Variants in CAMK4 observed in about 807,000 individuals in gnomAD.
CAMK4 encodes calcium/calmodulin dependent protein kinase IV, also known as calcium/calmodulin-dependent protein kinase type IV.
CAMK4 carries 22 observed loss-of-function variants against 44.9 expected under a neutral mutation model. The ratio of observed to expected loss-of-function variants is 0.49; its 90% CI spans 0.35 to 0.70. The LOEUF is 0.70. CAMK4 is among the 30% of genes least tolerant of loss of function. CAMK4 has a pLI of 0.01. For synonymous variants in CAMK4, 218 were observed against 215.4 expected (o/e 1.01, Z -0.11); for missense variants, 498 against 586.8 (o/e 0.85, Z 1.56).
intron 5 of CAMK4, among the ~76,000 whole-genome samples, chr5:111,441,155 A>T (rs1189291928): frequency 6.6e-6 from 1 of 152,214 alleles, no homozygotes; most frequent in South Asian, 2.1e-4. Flanking sequence ...ATGCAAAAAA[A>T]ATCTCAATAT....
intron 1 of CAMK4, among the ~76,000 whole-genome samples, chr5:111,281,516 T>C (rs1000232728): frequency 2.6e-5 from 4 of 152,092 alleles, no homozygotes; most frequent in Non-Finnish European, 5.9e-5. Flanking sequence ...TTCCTCTCTC[T>C]CTAGAAGGAA....
At chr5:111,425,487 C>G (rs1276176265) in intron 5 of CAMK4, among the ~76,000 whole-genome samples, 1 of 152,178 alleles carries the variant, frequency 6.6e-6, no homozygotes, top group African/African-American at 2.4e-5. Context: ...TAGAACAGAT[C>G]CTTTTTCCTT....
chr5:111,443,885 A>G (rs1208255867), intron 5 of CAMK4, among the ~76,000 whole-genome samples: 1 of 152,196 alleles, frequency 6.6e-6, no homozygotes, highest in Non-Finnish European at 1.5e-5. Context: ...TTCCAAAGGT[A>G]CTATATGAGA....
intron 1 of CAMK4, among the ~76,000 whole-genome samples, chr5:111,333,498 C>G (rs1489886531): frequency 6.6e-6 from 1 of 151,654 alleles, no homozygotes; most frequent in African/African-American, 2.4e-5. Context: ...AGAACCAATA[C>G]TCAAGCTATC....
intron 5 of CAMK4, among the ~76,000 whole-genome samples, chr5:111,428,730 A>C (rs1366827896): frequency 6.6e-6 from 1 of 152,206 alleles, no homozygotes; most frequent in Non-Finnish European, 1.5e-5. Flanking sequence ...TATGGGATCT[A>C]GAAAATAGTC....
At chr5:111,356,997 G>A (rs1025737621) in intron 2 of CAMK4, among the ~76,000 whole-genome samples, 1 of 152,012 alleles carries the variant, frequency 6.6e-6, no homozygotes, top group African/African-American at 2.4e-5. Flanking sequence ...GCACCAACAG[G>A]CCTGAGTGCT....
intron 1 of CAMK4, among the ~76,000 whole-genome samples, chr5:111,286,217 T>TAAG (rs1208929304): frequency 1.3e-5 from 2 of 152,204 alleles, no homozygotes; most frequent in Non-Finnish European, 2.9e-5. Context: ...TTCACCATCA[T>TAAG]AATCACCCTT....
chr5:111,397,813 A>G (rs908430596), intron 5 of CAMK4, among the ~76,000 whole-genome samples: 3 of 151,994 alleles, frequency 2.0e-5, no homozygotes, highest in Non-Finnish European at 4.4e-5. Context: ...CTGATATCAC[A>G]TGTGACAGTG....
chr5:111,458,745 G>A lies in CAMK4; in HGVS notation c.625+9542G>A, dbSNP rs75885818. ...ATAAGCAAAAATTTGAGAGAGGAGA[G>A]AGCAAACCACATACATACCTAGTGA... is the stretch of plus-strand genomic sequence containing the variant. On this transcript the variant is annotated intron_variant, in intron 7 of 10. Transcript: ENST00000282356. Among the ~76,000 whole-genome samples the A allele has an allele frequency of 9.6e-4, 146 of 152,282 alleles. 3 individuals are homozygous for A. The East Asian group carries it at 0.026, about 27-fold the overall frequency.
chr5:111,237,988 G>A (rs1055715555), intron 1 of CAMK4, among the ~76,000 whole-genome samples: 17 of 152,200 alleles, frequency 1.1e-4, no homozygotes, highest in African/African-American at 3.6e-4. Context: ...CACTGTCAAA[G>A]TAATTATTCT....
intron 9 of CAMK4, among the ~76,000 whole-genome samples, chr5:111,480,488 G>T (rs908337574): frequency 6.6e-6 from 1 of 151,990 alleles, no homozygotes; most frequent in Non-Finnish European, 1.5e-5. Context: ...TTAAGCTCTG[G>T]GGCAGGACAA....
chr5:111,405,097 A>G (rs12234006), intron 5 of CAMK4, among the ~76,000 whole-genome samples: 10,956 of 152,274 alleles, frequency 0.072, 549 homozygotes, highest in East Asian at 0.22. Flanking sequence ...CAGAGAGGGA[A>G]TACGCTATTT....
At chr5:111,483,980 G>A (rs1030016976) in intron 10 of CAMK4, 46 bp from the exon 11 acceptor site, 2 of 1,410,576 alleles carry the variant, frequency 1.4e-6, no homozygotes, top group Non-Finnish European at 1.9e-6. Context: ...CTGATGTGGG[G>A]TGTTAAAGCA....
At chr5:111,459,789 G>A (rs1440994773) in intron 7 of CAMK4, among the ~76,000 whole-genome samples, 2 of 145,088 alleles carry the variant, frequency 1.4e-5, no homozygotes, top group Admixed American at 7.1e-5. Flanking sequence ...TGCAAGCTCC[G>A]CCTCTCGGGT....
intron 1 of CAMK4, among the ~76,000 whole-genome samples, chr5:111,262,256 G>T (rs759791601): frequency 3.9e-5 from 6 of 152,104 alleles, no homozygotes; most frequent in Admixed American, 2.6e-4. Context: ...TAAACCAAAG[G>T]GGGAGGAGTT....
intron 7 of CAMK4, among the ~76,000 whole-genome samples, chr5:111,459,434 A>G (rs577760833): frequency 2.6e-4 from 39 of 152,334 alleles, no homozygotes; most frequent in African/African-American, 7.9e-4. Flanking sequence ...CAGCAAGGAA[A>G]GAGAAGGAAG....
intron 7 of CAMK4, among the ~76,000 whole-genome samples, chr5:111,461,007 C>A (rs756221710): frequency 6.6e-6 from 1 of 151,996 alleles, no homozygotes; most frequent in Non-Finnish European, 1.5e-5. Context: ...ATAATTCTTG[C>A]GGTAAGGAAG....
intron 7 of CAMK4, among the ~76,000 whole-genome samples, chr5:111,462,244 C>G (rs1399148011): frequency 6.6e-6 from 1 of 152,214 alleles, no homozygotes. Context: ...TTCTTTGCAC[C>G]AGTCACATTC....
intron 7 of CAMK4, among the ~76,000 whole-genome samples, chr5:111,461,541 C>G (rs536271687): frequency 6.6e-6 from 1 of 152,318 alleles, no homozygotes; most frequent in African/African-American, 2.4e-5. Context: ...GTCTGCCCAA[C>G]TGTGGGCACT....
Sources: gnomAD v4.1 joint callset for allele counts (sites outside exome capture counted in the v4.1 genomes callset) on GRCh38, gnomAD v4.1.1 for gene constraint, MANE v1.5 for transcripts, NCBI Gene and HGNC (gene_info 2026-07-23, HGNC 2026-07-21) for gene names.